Variants in ZNF264 observed in about 807,000 individuals in gnomAD.
ZNF264 encodes the protein zinc finger protein 264.
A neutral mutation model predicts 11.2 loss-of-function variants in ZNF264; 11 were observed. The observed-to-expected ratio is 0.98, with a 90% CI of 0.62 to 1.63. ZNF264 has a LOEUF of 1.63. ZNF264 is among the 40% of genes most tolerant of loss of function. The pLI is 0.00. For synonymous variants in ZNF264, 309 were observed against 279.8 expected (o/e 1.10, Z -1.04); for missense variants, 752 against 768.1 (o/e 0.98, Z 0.25).
intron 3 of ZNF264, among the ~76,000 whole-genome samples, chr19:57,206,090 C>T (rs79874499): frequency 0.021 from 3,170 of 152,196 alleles, 104 homozygotes; most frequent in African/African-American, 0.072. Flanking sequence ...ATACCAACTC[C>T]CCTCACATTC....
intron 2 of ZNF264, among the ~76,000 whole-genome samples, chr19:57,196,173 C>G (rs142969957): frequency 7.9e-5 from 12 of 152,034 alleles, no homozygotes; most frequent in African/African-American, 2.7e-4. Context: ...ATGGTAAGAT[C>G]AGTGAATTCT....
intron 2 of ZNF264, among the ~76,000 whole-genome samples, chr19:57,198,088 G>A (rs934358390): frequency 2.0e-5 from 3 of 151,996 alleles, no homozygotes; most frequent in Non-Finnish European, 4.4e-5. Flanking sequence ...TGCTGGCCTT[G>A]CCAGCTGAAG....
Position 57,197,279 on chromosome 19 carries a change from G to A in ZNF264, c.160+3278G>A, listed in dbSNP as rs188340490. 1.0e-3 allele frequency among the ~76,000 whole-genome samples: 156 copies of A among 151,772 alleles called. 4 individuals carry two copies. The highest frequency in any genetic ancestry group is 3.4e-3 in the Middle Eastern group (1 of 294). On this transcript the variant is annotated intron_variant, in intron 2 of 3. Transcript: ENST00000263095. ...ATCTGATGATGGAATGCTGCTGTGC[G>A]TGACCCACTTGATGGCTAGCTGGGT...
At chr19:57,203,414 A>G (rs1435577504) in intron 2 of ZNF264, among the ~76,000 whole-genome samples, 1 of 152,172 alleles carries the variant, frequency 6.6e-6, no homozygotes, top group African/African-American at 2.4e-5. Context: ...AAAGTCTGAA[A>G]AGGCTTCAAG....
At chr19:57,211,032 T>C (rs1208630863) in intron 3 of ZNF264, among the ~76,000 whole-genome samples, 1 of 152,226 alleles carries the variant, frequency 6.6e-6, no homozygotes, top group Non-Finnish European at 1.5e-5. Context: ...AGCATGTCCT[T>C]GCTTAGTTGC....
chr19:57,193,749 T>G, intron 1 of ZNF264, 126 bp from the exon 2 acceptor site: 1 of 1,367,346 alleles, frequency 7.3e-7, no homozygotes, highest in Non-Finnish European at 1.0e-6. Flanking sequence ...AGCACAGAGC[T>G]AGGCCCTCAG....
chr19:57,206,754 C>T (rs1335867271), intron 3 of ZNF264, among the ~76,000 whole-genome samples: 2 of 151,162 alleles, frequency 1.3e-5, no homozygotes, highest in South Asian at 2.1e-4. Flanking sequence ...GCCTATCAGC[C>T]TCTCCCACCT....
At chr19:57,200,535 G>T (rs1166333410) in intron 2 of ZNF264, among the ~76,000 whole-genome samples, 3 of 104,434 alleles carry the variant, frequency 2.9e-5, no homozygotes, top group Non-Finnish European at 5.5e-5. Context: ...CTTTGTCTTT[G>T]TCTCTTGTCT....
chr19:57,195,453 A>G lies in ZNF264; in HGVS notation c.160+1452A>G, dbSNP rs192049834. ...ATTAATGACTACCTTCTTCTCCTGC[A>G]CATTCTGTATTCACTTTGCCTTCAG... On this transcript the variant is annotated intron_variant, in intron 2 of 3. Transcript: ENST00000263095. 8.1e-4 allele frequency among the ~76,000 whole-genome samples: 124 copies of G among 152,320 alleles called. 1 individual carries two copies. The highest frequency in any genetic ancestry group is 7.4e-4 in the Non-Finnish European group (50 of 68,026).
At chr19:57,199,468 A>G (rs1473056233) in intron 2 of ZNF264, among the ~76,000 whole-genome samples, 2 of 151,890 alleles carry the variant, frequency 1.3e-5, no homozygotes, top group African/African-American at 2.4e-5. Flanking sequence ...CAGCTCACCC[A>G]TGATGGGCCA....
chr19:57,212,291 C>T lies in ZNF264; in HGVS notation c.1194C>T (p.Pro398=), dbSNP rs1410093811. The part of the protein sequence containing the change: ...HHYVIHTGEK[P]FECLECGKAF... ...ATGTCATCCACACTGGAGAGAAGCC[C>T]TTTGAGTGCCTCGAGTGTGGGAAGG... Residue 398 remains proline, a synonymous_variant, in exon 4 of 4, where the codon CCC becomes CCT. Coordinates refer to ENST00000263095, the MANE Select transcript of ZNF264 (RefSeq NM_003417.5). 1 of 1,613,846 alleles carries T rather than the reference C, an allele frequency of 6.2e-7. No homozygotes were observed. Among genetic ancestry groups the T allele is most frequent in the Non-Finnish European group, 8.5e-7 (1 of 1,180,000 alleles).
intron 2 of ZNF264, among the ~76,000 whole-genome samples, chr19:57,197,206 T>G (rs1054294648): frequency 1.3e-5 from 2 of 151,808 alleles, no homozygotes; most frequent in African/African-American, 4.9e-5. Flanking sequence ...CTCATGTAAC[T>G]TGTGCCTTCA....
intron 2 of ZNF264, chr19:57,194,642 T>C: frequency 2.6e-6 from 1 of 382,588 alleles, no homozygotes; most frequent in Admixed American, 4.5e-5. Context: ...AGTCTAGTCT[T>C]TTCATGTATT....
chr19:57,213,042 A>G lies in ZNF264; in HGVS notation c.*61A>G. 6.7e-7 allele frequency: 1 copy of G among 1,494,332 alleles called. No individual in the cohort carries two copies. The highest frequency in any genetic ancestry group is 1.3e-5 in the South Asian group (1 of 76,952). 92.6% of individuals were successfully genotyped at this position (1,494,332 alleles called of 1,614,324 possible). ...GAAGAGTCATATTAGAAATTCGTTC[A>G]GTCTAGAGCCTTATTCTCCATCTGA... On this transcript the variant is annotated 3_prime_UTR_variant, in exon 4 of 4. Transcript: ENST00000263095.
At chr19:57,205,227 T>C (rs1044507988) in intron 2 of ZNF264, among the ~76,000 whole-genome samples, 170 bp from the exon 3 acceptor site, 5 of 152,250 alleles carry the variant, frequency 3.3e-5, no homozygotes, top group Admixed American at 2.6e-4. Flanking sequence ...AATGCATTTA[T>C]GTAATTATGG....
intron 3 of ZNF264, among the ~76,000 whole-genome samples, chr19:57,208,478 A>T (rs185601932): frequency 4.9e-4 from 75 of 152,280 alleles, no homozygotes; most frequent in African/African-American, 1.8e-3. Context: ...CAGGAGGTCG[A>T]GGCTGAAGTG....
chr19:57,193,733 G>C, intron 1 of ZNF264, 142 bp from the exon 2 acceptor site: 1 of 1,251,790 alleles, frequency 8.0e-7, no homozygotes, highest in East Asian at 2.5e-5. Flanking sequence ...CTTCCCTCTT[G>C]AGCCCAGCAC....
chr19:57,222,459 A>C lies in ZNF264; in HGVS notation c.*9478A>C, dbSNP rs2087424380. 6.6e-6 allele frequency: 1 copy of C among 151,886 alleles called. No individual in the cohort carries two copies. Among genetic ancestry groups the C allele is most frequent in the South Asian group, 2.1e-4 (1 of 4,812 alleles). 9.4% of individuals were successfully genotyped at this position (151,886 alleles called of 1,614,324 possible). Reference sequence around the variant, plus strand: ...CCTAGAGATTTAATTTAGTGATGAAAAGGTACAGAGAGAGTCTTTCAAGAA... The same window carrying C: ...CCTAGAGATTTAATTTAGTGATGAACAGGTACAGAGAGAGTCTTTCAAGAA... On this transcript the variant is annotated 3_prime_UTR_variant, in exon 4 of 4. Coordinates refer to ENST00000263095, the MANE Select transcript of ZNF264 (RefSeq NM_003417.5).
chr19:57,219,813 C>T lies in ZNF264; in HGVS notation c.*6832C>T, dbSNP rs1023883235. On this transcript the variant is annotated 3_prime_UTR_variant, in exon 4 of 4. Transcript: ENST00000263095. Reference sequence around the variant, plus strand: ...CTATGTCTCCAGACTGGATGTTTCTCACGTCTGTGGCCCACTGGGCATCTT... The same window carrying T: ...CTATGTCTCCAGACTGGATGTTTCTTACGTCTGTGGCCCACTGGGCATCTT... The T allele has an allele frequency of 4.6e-5, 7 of 152,294 alleles. No individual in the cohort carries two copies. Among genetic ancestry groups the T allele is most frequent in the African/African-American group, 1.4e-4 (6 of 41,480 alleles). 9.4% of individuals were successfully genotyped at this position (152,294 alleles called of 1,614,324 possible).
Sources: allele counts gnomAD v4.1 joint callset (sites outside exome capture counted in the v4.1 genomes callset), GRCh38; gene constraint gnomAD v4.1.1; transcripts MANE v1.5; gene names NCBI Gene and HGNC (gene_info 2026-07-23, HGNC 2026-07-21).